Variants in STRIP2 observed in about 807,000 individuals in gnomAD.
STRIP2 encodes striatin interacting protein 2, also known as striatin-interacting protein 2.
A neutral mutation model predicts 107.1 loss-of-function variants in STRIP2; 84 were observed. That is an observed-to-expected ratio of 0.78 (90% CI 0.66 to 0.94). STRIP2 has a LOEUF of 0.94. Among genes scored for constraint, STRIP2 ranks in the 40% least tolerant of loss-of-function variants. STRIP2 has a pLI of 0.00. For missense variants in STRIP2, 888 were observed against 1,034.2 expected, an observed-to-expected ratio of 0.86 and a Z score of 1.94; for synonymous variants, 394 against 400.4, an observed-to-expected ratio of 0.98 and a Z score of 0.19.
At chr7:129,445,513 G>T (rs1394412372) in intron 3 of STRIP2, among the ~76,000 whole-genome samples, 5 of 151,582 alleles carry the variant, frequency 3.3e-5, no homozygotes, top group African/African-American at 1.2e-4. Context: ...ATGGTGAGTG[G>T]TGCCACTTCC....
rs575786254 is a variant in STRIP2, at chr7:129,437,107, A to G, written c.129+2506A>G. Among the ~76,000 whole-genome samples, 9 of 152,320 alleles carry G rather than the reference A, an allele frequency of 5.9e-5. 1 individual carries two copies. Among genetic ancestry groups the G allele is most frequent in the African/African-American group, 1.9e-4 (8 of 41,584 alleles). ...TTAAAACAGTGTTTTTCAAACTGCT[A>G]TAGGGGGCAACCTGTTAATTGAGGC... On this transcript the variant is annotated intron_variant, in intron 1 of 20. Coordinates refer to ENST00000249344, the MANE Select transcript of STRIP2 (RefSeq NM_020704.3).
rs1455939633 is a variant in STRIP2 at position 129,487,206 on chromosome 7, G to A, written c.*1377G>A. On this transcript the variant is annotated 3_prime_UTR_variant, in exon 21 of 21. Coordinates refer to ENST00000249344, the MANE Select transcript of STRIP2 (RefSeq NM_020704.3). The stretch of plus-strand genomic sequence containing the variant: ...TTTTTTGTATTTTTAGTAGAAACAG[G>A]GTTTCACCATGTTAGCCAGGCTGAC... The A allele has an allele frequency of 6.6e-6, 1 of 151,680 alleles. No homozygotes were observed. The highest frequency in any genetic ancestry group is 1.5e-5 in the Non-Finnish European group (1 of 68,016). The allele number at this position is 151,680 out of a possible 1,614,324, so 9.4% of individuals were successfully genotyped here.
chr7:129,482,710 A>T, intron 19 of STRIP2, 132 bp from the exon 20 acceptor site: 1 of 1,030,198 alleles, frequency 9.7e-7, no homozygotes, highest in Non-Finnish European at 1.4e-6. Flanking sequence ...AAATCTAAGT[A>T]GAGCCTGGAC....
chr7:129,485,552 C>A, intron 20 of STRIP2, 27 bp from the exon 21 acceptor site: 1 of 1,609,570 alleles, frequency 6.2e-7, no homozygotes, highest in Non-Finnish European at 8.5e-7. Context: ...CATTGTATGT[C>A]TTCTTCTTCC....
chr7:129,434,529 C>G lies in STRIP2; in HGVS notation c.57C>G (p.Asn19Lys). 1 of 1,517,912 alleles carries G rather than the reference C, an allele frequency of 6.6e-7. No individual in the cohort carries two copies. The highest frequency in any genetic ancestry group is 1.2e-5 in the South Asian group (1 of 82,040). The allele number at this position is 1,517,912 out of a possible 1,614,324, so 94.0% of individuals were successfully genotyped here. The change falls in exon 1 of 21, where the codon AAC becomes AAG. Residue 19 changes from asparagine (N) to lysine (K), a missense_variant. By Grantham distance (94) the Asn-to-Lys change is moderately conservative (BLOSUM62 0). Coordinates refer to ENST00000249344, the MANE Select transcript of STRIP2 (RefSeq NM_020704.3). ...TGGPPANGNG[N>K]GGGKGKQAAP... Reference sequence around the variant, plus strand: ...GCCCGCCCGCAAATGGCAATGGCAACGGCGGCGGCAAAGGGAAGCAGGCGG... The same window carrying G: ...GCCCGCCCGCAAATGGCAATGGCAAGGGCGGCGGCAAAGGGAAGCAGGCGG...
chr7:129,464,510 C>G (rs1798622846), intron 15 of STRIP2, 102 bp from the exon 16 acceptor site: 1 of 1,314,670 alleles, frequency 7.6e-7, no homozygotes, highest in Non-Finnish European at 1.1e-6. Flanking sequence ...TTCCCAAGTT[C>G]TGGCTCTCTT....
Position 129,456,568 on chromosome 7 carries a change from T to TA in STRIP2, c.965dup (p.Tyr322Ter). The TA allele has an allele frequency of 6.2e-7, 1 of 1,614,108 alleles. No individual in the cohort carries two copies. The highest frequency in any genetic ancestry group is 8.5e-7 in the Non-Finnish European group (1 of 1,180,012). The change falls in exon 9 of 21, where the codon TAC becomes TAAC. Residue 322 changes from tyrosine to a stop codon, truncating the protein, a stop_gained and frameshift_variant. Transcript: ENST00000249344. LOFTEE classifies it high-confidence loss of function. The part of the protein sequence containing the change: ...KSMRAASPPS[Y>*]TLDLGESQLA... ...CATGCGTGCTGCCTCCCCGCCCTCT[T>TA]ACACTCTTGACCTGGGAGAGTCTCA...
At chr7:129,459,489 A>T (rs772352071) in intron 11 of STRIP2, 28 bp from the exon 12 acceptor site, 2 of 1,607,218 alleles carry the variant, frequency 1.2e-6, no homozygotes, top group Non-Finnish European at 8.5e-7. Flanking sequence ...TTGGAAGCTT[A>T]TGATCTGGTA....
chr7:129,478,086 A>G, intron 18 of STRIP2: 1 of 283,780 alleles, frequency 3.5e-6, no homozygotes, highest in South Asian at 3.5e-5. Flanking sequence ...ATCATGTTAG[A>G]AACCTTGGAA....
intron 19 of STRIP2, among the ~76,000 whole-genome samples, chr7:129,481,971 C>T (rs1481338584): frequency 2.0e-5 from 3 of 151,796 alleles, no homozygotes; most frequent in African/African-American, 7.3e-5. Context: ...AGTTTGAGAC[C>T]AGCCTGACCA....
intron 3 of STRIP2, among the ~76,000 whole-genome samples, chr7:129,451,305 G>C (rs927388310): frequency 6.6e-6 from 1 of 152,050 alleles, no homozygotes; most frequent in African/African-American, 2.4e-5. Flanking sequence ...GTGCCTGTAA[G>C]GATGACTAGG....
chr7:129,484,993 C>T (rs1000682607), intron 20 of STRIP2, among the ~76,000 whole-genome samples: 1 of 152,170 alleles, frequency 6.6e-6, no homozygotes, highest in South Asian at 2.1e-4. Flanking sequence ...GTCACCTCAT[C>T]ATCTTAAAAT....
chr7:129,435,854 A>T (rs1388222809), intron 1 of STRIP2, among the ~76,000 whole-genome samples: 1 of 152,168 alleles, frequency 6.6e-6, no homozygotes, highest in Non-Finnish European at 1.5e-5. Context: ...TTGCCTTACC[A>T]TTTGAATAGC....
chr7:129,446,189 G>A (rs1299183185), intron 3 of STRIP2, among the ~76,000 whole-genome samples: 1 of 152,170 alleles, frequency 6.6e-6, no homozygotes, highest in Non-Finnish European at 1.5e-5. Context: ...AGAGGTGCTG[G>A]GGAAAGAGGC....
chr7:129,466,758 GTTCA>G (rs897672493), intron 16 of STRIP2, among the ~76,000 whole-genome samples: 3 of 152,098 alleles, frequency 2.0e-5, no homozygotes, highest in African/African-American at 7.2e-5. Flanking sequence ...AAGGGCTCTT[GTTCA>G]TTCATTTATT....
intron 18 of STRIP2, chr7:129,477,944 G>A (rs989156829): frequency 3.8e-6 from 2 of 520,144 alleles, no homozygotes; most frequent in African/African-American, 3.9e-5. Context: ...ATTAAATGGT[G>A]GCAGACATGT....
Position 129,434,543 on chromosome 7 carries a change from G to A in STRIP2, c.71G>A (p.Gly24Glu). 1.3e-6 allele frequency: 2 copies of A among 1,518,918 alleles called. No individual in the cohort carries two copies. Among genetic ancestry groups the A allele is most frequent in the South Asian group, 1.2e-5 (1 of 82,202 alleles). The allele number at this position is 1,518,918 out of a possible 1,614,324, so 94.1% of individuals were successfully genotyped here. A position where few individuals can be genotyped will look rare whatever the true frequency, so the allele number is the denominator to read the frequency against. The part of the protein sequence containing the change: ...ANGNGNGGGK[G>E]KQAAPKGREA... ...GGCAATGGCAACGGCGGCGGCAAAG[G>A]GAAGCAGGCGGCGCCCAAGGGCCGC... The change falls in exon 1 of 21, where the codon GGG becomes GAG. Residue 24 changes from glycine to glutamate, a missense_variant. By Grantham distance (98) the Gly-to-Glu change is moderately conservative. Coordinates refer to ENST00000249344, the MANE Select transcript of STRIP2 (RefSeq NM_020704.3).
intron 1 of STRIP2, among the ~76,000 whole-genome samples, chr7:129,436,965 T>G (rs550304495): frequency 2.6e-5 from 4 of 152,358 alleles, no homozygotes; most frequent in African/African-American, 7.2e-5. Context: ...TTTATTGATC[T>G]CAAACTCCTT....
chr7:129,442,487 A>G (rs1797926881), intron 2 of STRIP2, among the ~76,000 whole-genome samples: 1 of 152,190 alleles, frequency 6.6e-6, no homozygotes, highest in Non-Finnish European at 1.5e-5. Context: ...ACAAATGCTA[A>G]CATTTGTTTG....
Sources: gnomAD v4.1 joint callset for allele counts (sites outside exome capture counted in the v4.1 genomes callset) on GRCh38, gnomAD v4.1.1 for gene constraint, MANE v1.5 for transcripts, NCBI Gene and HGNC (gene_info 2026-07-23, HGNC 2026-07-21) for gene names.